SEMA6C: variants seen among roughly 807,000 people sequenced by gnomAD.
SEMA6C encodes semaphorin 6C.
In SEMA6C, 37 loss-of-function variants were observed where a neutral mutation model predicts 72.9. The ratio of observed to expected loss-of-function variants is 0.51; its 90% confidence interval spans 0.39 to 0.67. The LOEUF (loss-of-function observed/expected upper bound fraction) is 0.67. Among genes scored for constraint, SEMA6C ranks in the 30% least tolerant of loss-of-function variants. SEMA6C has a pLI of 0.00. For synonymous variants in SEMA6C, 578 were observed against 554.1 expected (o/e 1.04, Z -0.61); for missense variants, 1,189 against 1,263.6 (o/e 0.94, Z 0.89).
intron 6 of SEMA6C, 35 bp downstream of exon 6, chr1:151,139,390 T>C: frequency 6.3e-7 from 1 of 1,580,406 alleles, no homozygotes; most frequent in South Asian, 1.1e-5. Context: ...AGAGTAATCC[T>C]CTCCTTCCCT....
chr1:151,132,926 GC>G lies in SEMA6C; in HGVS notation c.2350del (p.Ala784ProfsTer7). The G allele has an allele frequency of 1.4e-6, 2 of 1,391,958 alleles. No individual in the cohort carries two copies. The highest frequency in any genetic ancestry group is 3.0e-5 in the Admixed American group (1 of 33,820). The allele number at this position is 1,391,958 out of a possible 1,614,324, so 86.2% of individuals were successfully genotyped here. On this transcript the variant is annotated frameshift_variant, in exon 19 of 19. Coordinates refer to ENST00000368914, the MANE Select transcript of SEMA6C (RefSeq NM_030913.6). LOFTEE classifies it low-confidence loss of function (END_TRUNC). ...CGAGGTTAAAGGGGCGGGGGGCTCG[GC>G]CCCCTTTCTGGGCGGCTGCGGGCCG... ...LHGPQPPRKG[A>X]EPPAPLTSRA...
chr1:151,141,714 CT>C lies in SEMA6C; in HGVS notation c.118+789del, dbSNP rs373907379. On this transcript the variant is annotated intron_variant, in intron 3 of 18. Transcript: ENST00000368914. ...GTGTAAAGCCACCGTGCCCAGCTGA[CT>C]TTTTTTTTTTAATCGGCTTTTTTTT... 3.5e-3 allele frequency among the ~76,000 whole-genome samples: 269 copies of C among 76,414 alleles called. 2 individuals carry two copies. The highest frequency in any genetic ancestry group is 0.01 in the African/African-American group (216 of 21,054). 50.1% of individuals were successfully genotyped at this position (76,414 alleles called of 152,430 possible). A position where few individuals can be genotyped will look rare whatever the true frequency, so the allele number is the denominator to read the frequency against.
At chr1:151,136,324 A>C (rs1325660606) in intron 12 of SEMA6C, 124 bp downstream of exon 12, 16 of 1,485,200 alleles carry the variant, frequency 1.1e-5, no homozygotes, top group Non-Finnish European at 1.5e-5. Flanking sequence ...CTTCGGCCCC[A>C]CTGCCACCCC....
At position 151,139,638 on chromosome 1, in the gene SEMA6C, C is replaced by T; in HGVS notation, c.297G>A (p.Lys99=). ...EEEGEGLVPN[K]YLTWRSQDVE... is the part of the protein sequence containing the mutation. ...CACCTCTTCCCACACAGCCCCTCAC[C>T]TTGTTGGGCACCAGCCCCTCCCCTT... Residue 99 remains lysine, a splice_region_variant and synonymous_variant, in exon 5 of 19, where the codon AAG becomes AAA. Transcript: ENST00000368914. 1 of 1,607,406 alleles carries T rather than the reference C, an allele frequency of 6.2e-7. No homozygotes were observed. Among genetic ancestry groups the T allele is most frequent in the South Asian group, 1.1e-5 (1 of 90,644 alleles).
chr1:151,136,721 G>GA, intron 11 of SEMA6C, 136 bp downstream of exon 11: 2 of 1,354,664 alleles, frequency 1.5e-6, no homozygotes, highest in Non-Finnish European at 2.1e-6. Flanking sequence ...CACACTAGGA[G>GA]AAAAAATGGC....
At position 151,133,521 on chromosome 1, in the gene SEMA6C, C is replaced by CCGAGGGACCTG. The variant is rs1390031766; in HGVS notation, c.1760-5_1760-4insCAGGTCCCTCG. Reference sequence around the variant, plus strand: ...GGGGGCAGGTCCCGGCGCACGCCTGCCGACCGAGAGGGAGGAGGGAGGCTC... The same window carrying CCGAGGGACCTG: ...GGGGGCAGGTCCCGGCGCACGCCTGCCGAGGGACCTGCGACCGAGAGGGAGGAGGGAGGCTC... On this transcript the variant is annotated splice_region_variant and splice_polypyrimidine_tract_variant and intron_variant, in intron 18 of 18. Coordinates refer to ENST00000368914, the MANE Select transcript of SEMA6C (RefSeq NM_030913.6). This position sits in a 1 kb window ranked among gnomAD's most constrained non-coding sequence, Gnocchi z 5.9. 14 of 1,504,120 alleles carry CCGAGGGACCTG rather than the reference C, an allele frequency of 9.3e-6. No individual in the cohort carries two copies. Among genetic ancestry groups the CCGAGGGACCTG allele is most frequent in the Non-Finnish European group, 1.2e-5 (14 of 1,129,286 alleles). The allele number at this position is 1,504,120 out of a possible 1,614,324, so 93.2% of individuals were successfully genotyped here. A position where few individuals can be genotyped will look rare whatever the true frequency, so the allele number is the denominator to read the frequency against.
intron 3 of SEMA6C, among the ~76,000 whole-genome samples, chr1:151,140,760 C>T (rs587643297): frequency 1.1e-3 from 167 of 152,142 alleles, no homozygotes; most frequent in Admixed American, 1.6e-3. Context: ...TTTGGGAGGC[C>T]GAGGCGGGCG....
chr1:151,137,722 G>T lies in SEMA6C; in HGVS notation c.745C>A (p.Arg249=). 6.2e-7 allele frequency: 1 copy of T among 1,612,338 alleles called. No homozygotes were observed. The highest frequency in any genetic ancestry group is 8.5e-7 in the Non-Finnish European group (1 of 1,178,712). ...FFREVSVEDA[R]LGRVQFSRVA... The stretch of plus-strand genomic sequence containing the variant: ...GCCCACCTCCTTACCCTCCCCAGCC[G>T]AGCATCCTCCACAGAGACCTCGCGG... Residue 249 remains arginine, a synonymous_variant, in exon 10 of 19, where the codon CGG becomes AGG. Coordinates refer to ENST00000368914, the MANE Select transcript of SEMA6C (RefSeq NM_030913.6).
chr1:151,137,122 C>G, intron 10 of SEMA6C, 48 bp from the exon 11 acceptor site: 1 of 1,533,940 alleles, frequency 6.5e-7, no homozygotes, highest in African/African-American at 1.4e-5. Flanking sequence ...ACCCACAGGG[C>G]CAGCTGCATG....
rs766908943 is a variant in SEMA6C at position 151,136,556 on chromosome 1, G to A, written c.998C>T (p.Ala333Val). 1 of 1,614,110 alleles carries A rather than the reference G, an allele frequency of 6.2e-7. No homozygotes were observed. The highest frequency in any genetic ancestry group is 1.1e-5 in the South Asian group (1 of 91,084). Residue 333 changes from alanine to valine, a missense_variant, in exon 12 of 19, where the codon GCC becomes GTC. Ala to Val is a moderately conservative substitution (Grantham distance 64, BLOSUM62 0). Coordinates refer to ENST00000368914, the MANE Select transcript of SEMA6C (RefSeq NM_030913.6). ...TNSIPGSAVC[A>V]FYLDEIERGF... ...ACGCTCAATCTCATCCAGGTAGAAG[G>A]CGCAGACGGCAGAGCCAGGGATGCT...
At chr1:151,136,229 C>T (rs1291605591) in intron 12 of SEMA6C, 66 bp from the exon 13 acceptor site, 1 of 1,586,838 alleles carries the variant, frequency 6.3e-7, no homozygotes, top group Non-Finnish European at 8.6e-7. Context: ...CCTCTGTGCC[C>T]CCTACTGCTC....
chr1:151,142,437 C>T (rs150759028), intron 3 of SEMA6C, 67 bp downstream of exon 3: 10 of 1,596,798 alleles, frequency 6.3e-6, no homozygotes, highest in Admixed American at 3.4e-5. Context: ...CACCTTGCCT[C>T]CCACACAGGG....
rs1476244803 is a variant in SEMA6C, at chr1:151,139,412, T to A, written c.354+13A>T. 4 of 1,611,244 alleles carry A rather than the reference T, an allele frequency of 2.5e-6. No homozygotes were observed. Among genetic ancestry groups the A allele is most frequent in the Admixed American group, 1.7e-5 (1 of 59,994 alleles). On this transcript the variant is annotated intron_variant, in intron 6 of 18. Transcript: ENST00000368914. ...TCCTCTCCTTCCCTCCACATTCTCG[T>A]CTCACTCCTTACCGTCAGCTTTCCC... is the stretch of plus-strand genomic sequence containing the variant.
In SEMA6C at chr1:151,133,859, G is replaced by A. The variant is rs1375318464; in HGVS notation, c.1760-342C>T. ...TCTGGGGAAGGGAGGCTCCAAACAG[G>A]CGTTAGTGAGCACCAAACACCATTC... On this transcript the variant is annotated intron_variant, in intron 18 of 18. Transcript: ENST00000368914. This position sits in a 1 kb window ranked among gnomAD's most constrained non-coding sequence, Gnocchi z 5.9. 9.3e-7 allele frequency: 1 copy of A among 1,074,782 alleles called. No homozygotes were observed. Among genetic ancestry groups the A allele is most frequent in the African/African-American group, 1.6e-5 (1 of 62,564 alleles). 66.6% of individuals were successfully genotyped at this position (1,074,782 alleles called of 1,614,324 possible). A position where few individuals can be genotyped will look rare whatever the true frequency, so the allele number is the denominator to read the frequency against.
At chr1:151,134,735 C>A in intron 16 of SEMA6C, 60 bp from the exon 17 acceptor site, 1 of 1,612,356 alleles carries the variant, frequency 6.2e-7, no homozygotes, top group Non-Finnish European at 8.5e-7. Flanking sequence ...CCCACTCTGG[C>A]CCTCAGCTTG....
At chr1:151,142,202 AT>A (rs993141305) in intron 3 of SEMA6C, among the ~76,000 whole-genome samples, 5 of 150,918 alleles carry the variant, frequency 3.3e-5, no homozygotes, top group South Asian at 4.2e-4. Flanking sequence ...ATGTCCGGCT[AT>A]TTTTTTTTGT....
intron 12 of SEMA6C, 67 bp from the exon 13 acceptor site, chr1:151,136,230 C>T: frequency 3.8e-6 from 6 of 1,588,076 alleles, no homozygotes; most frequent in Non-Finnish European, 2.6e-6. Flanking sequence ...CTCTGTGCCC[C>T]CTACTGCTCC....
chr1:151,140,295 G>C (rs770180204), intron 3 of SEMA6C, among the ~76,000 whole-genome samples: 1 of 152,198 alleles, frequency 6.6e-6, no homozygotes, highest in African/African-American at 2.4e-5. Flanking sequence ...TTTAATACAT[G>C]GTCCTATGAG....
At chr1:151,137,305 G>A (rs1029335626) in intron 10 of SEMA6C, among the ~76,000 whole-genome samples, 5 of 152,170 alleles carry the variant, frequency 3.3e-5, no homozygotes, top group Non-Finnish European at 4.4e-5. Context: ...AATTAGCCGG[G>A]CATGGTGGTG....
Sources: gnomAD v4.1 joint callset for allele counts (sites outside exome capture counted in the v4.1 genomes callset) on GRCh38, gnomAD v4.1.1 for gene constraint, Gnocchi (gnomAD v3.1) non-coding constraint, MANE v1.5 for transcripts, NCBI Gene and HGNC (gene_info 2026-07-23, HGNC 2026-07-21) for gene names.